PPP1R16B: variants seen among roughly 807,000 people sequenced by gnomAD.
PPP1R16B encodes the protein protein phosphatase 1 regulatory subunit 16B, also known as protein phosphatase 1 regulatory inhibitor subunit 16B.
In PPP1R16B, 14 loss-of-function variants were observed where a neutral mutation model predicts 61.7. That is an observed-to-expected ratio of 0.23 (90% confidence interval 0.15 to 0.35). The LOEUF (loss-of-function observed/expected upper bound fraction) is 0.35, where lower values mean the gene tolerates loss of function less well. PPP1R16B is among the 10% of genes least tolerant of loss of function. The pLI, the probability that PPP1R16B is intolerant of heterozygous loss-of-function variation, is 1.00. For missense variants in PPP1R16B, 547 were observed against 752.5 expected, an observed-to-expected ratio of 0.73 and a Z score of 3.19; for synonymous variants, 266 against 305.3, an observed-to-expected ratio of 0.87 and a Z score of 1.34.
intron 1 of PPP1R16B, among the ~76,000 whole-genome samples, chr20:38,822,912 CAT>C (rs1156505740): frequency 1.3e-5 from 2 of 152,124 alleles, no homozygotes; most frequent in South Asian, 2.1e-4. Context: ...GAGATTTTCA[CAT>C]GAGGAGATAA....
chr20:38,913,085 G>T (rs1401158602), intron 10 of PPP1R16B, among the ~76,000 whole-genome samples: 1 of 151,754 alleles, frequency 6.6e-6, no homozygotes, highest in East Asian at 1.9e-4. Flanking sequence ...TGGCCAGGCT[G>T]GTCTCGAACT....
chr20:38,866,258 G>T lies in PPP1R16B; in HGVS notation c.251-23337G>T, dbSNP rs534888194. ...GGGAACAGAATAGCTCCTAAATCCC[G>T]GGTGTGCTGTCCTCTGTGGGCTGAG... On this transcript the variant is annotated intron_variant, in intron 2 of 10. Transcript: ENST00000299824. 2.6e-5 allele frequency among the ~76,000 whole-genome samples: 4 copies of T among 152,290 alleles called. No individual in the cohort carries two copies. In the East Asian group the frequency reaches 7.7e-4, roughly 29 times the overall value.
At chr20:38,860,943 C>T (rs1332436110) in intron 2 of PPP1R16B, among the ~76,000 whole-genome samples, 1 of 152,186 alleles carries the variant, frequency 6.6e-6, no homozygotes, top group Non-Finnish European at 1.5e-5. Context: ...CCAATTTGCA[C>T]ACTGTTACTC....
At chr20:38,868,245 C>T (rs1485038441) in intron 2 of PPP1R16B, among the ~76,000 whole-genome samples, 2 of 152,194 alleles carry the variant, frequency 1.3e-5, no homozygotes, top group Non-Finnish European at 2.9e-5. Flanking sequence ...ACCACTCCTG[C>T]GTTTCACCTC....
At chr20:38,883,405 G>A (rs761905669) in intron 2 of PPP1R16B, among the ~76,000 whole-genome samples, 91 of 152,400 alleles carry the variant, frequency 6.0e-4, no homozygotes, top group Admixed American at 1.2e-3. Flanking sequence ...GCTTCCTGCC[G>A]AGATGGGCCG....
At chr20:38,824,656 T>G (rs1435923651) in intron 1 of PPP1R16B, among the ~76,000 whole-genome samples, 1 of 152,250 alleles carries the variant, frequency 6.6e-6, no homozygotes, top group Non-Finnish European at 1.5e-5. Context: ...CAAGTTCAAT[T>G]CTATGCTTTT....
intron 3 of PPP1R16B, 123 bp from the exon 4 acceptor site, chr20:38,895,442 G>A: frequency 8.6e-7 from 1 of 1,162,952 alleles, no homozygotes; most frequent in African/African-American, 1.5e-5. Flanking sequence ...TCATGGAGCT[G>A]GATTCAAACA....
rs566368488 is a variant in PPP1R16B, at chr20:38,901,702, G to A, written c.572-966G>A. Reference sequence around the variant, plus strand: ...TGGGATTACAGGCGTGAACCCCCGCGCCCAGCCAGAATAATGTTTTTAAAT... The same window carrying A: ...TGGGATTACAGGCGTGAACCCCCGCACCCAGCCAGAATAATGTTTTTAAAT... On this transcript the variant is annotated intron_variant, in intron 5 of 10. Transcript: ENST00000299824. 1.4e-4 allele frequency among the ~76,000 whole-genome samples: 21 copies of A among 152,260 alleles called. No individual in the cohort carries two copies. In the South Asian group the frequency reaches 1.9e-3, roughly 14 times the overall value.
At chr20:38,886,707 A>G (rs1465889054) in intron 2 of PPP1R16B, among the ~76,000 whole-genome samples, 1 of 152,222 alleles carries the variant, frequency 6.6e-6, no homozygotes, top group Non-Finnish European at 1.5e-5. Flanking sequence ...TGCTACAGAC[A>G]TGAGTCTTCT....
At chr20:38,853,923 G>A (rs1028304073) in intron 2 of PPP1R16B, among the ~76,000 whole-genome samples, 5 of 152,172 alleles carry the variant, frequency 3.3e-5, no homozygotes, top group Non-Finnish European at 7.3e-5. Flanking sequence ...TGCCTGCATC[G>A]CGCTTGCTCA....
At chr20:38,833,930 C>T (rs535878284) in intron 1 of PPP1R16B, among the ~76,000 whole-genome samples, 4 of 152,172 alleles carry the variant, frequency 2.6e-5, no homozygotes, top group East Asian at 1.9e-4. Context: ...GTGACGCAGG[C>T]GACCCAGGAG....
intron 1 of PPP1R16B, among the ~76,000 whole-genome samples, chr20:38,820,427 A>G (rs868811157): frequency 6.6e-6 from 1 of 152,020 alleles, no homozygotes; most frequent in African/African-American, 2.4e-5. Flanking sequence ...GTGTGGTGGC[A>G]CATGCCTGTA....
chr20:38,862,911 G>A (rs1413296960), intron 2 of PPP1R16B, among the ~76,000 whole-genome samples: 1 of 152,194 alleles, frequency 6.6e-6, no homozygotes, highest in Admixed American at 6.5e-5. Context: ...AGCTTCCTGG[G>A]TGTTCTGATG....
chr20:38,883,295 C>T (rs1007911387), intron 2 of PPP1R16B, among the ~76,000 whole-genome samples: 6 of 152,230 alleles, frequency 3.9e-5, no homozygotes, highest in African/African-American at 1.2e-4. Flanking sequence ...CTAACCATCT[C>T]GAGGTCAGGA....
intron 2 of PPP1R16B, among the ~76,000 whole-genome samples, chr20:38,883,521 G>A (rs1398429751): frequency 5.9e-5 from 9 of 152,188 alleles, no homozygotes; most frequent in South Asian, 4.1e-4. Context: ...CAGCGGGGTC[G>A]GCGCCAGGAG....
chr20:38,885,961 A>G (rs982321119), intron 2 of PPP1R16B, among the ~76,000 whole-genome samples: 4 of 152,154 alleles, frequency 2.6e-5, no homozygotes, highest in Admixed American at 1.3e-4. Flanking sequence ...TTTTTAGTAG[A>G]GACAGGGTTT....
At chr20:38,889,712 G>A in intron 3 of PPP1R16B, 47 bp downstream of exon 3, 1 of 1,513,810 alleles carries the variant, frequency 6.6e-7, no homozygotes, top group African/African-American at 1.4e-5. Context: ...CCCCTCACCT[G>A]GACAGGTACC....
intron 2 of PPP1R16B, among the ~76,000 whole-genome samples, chr20:38,874,887 T>C (rs1245833130): frequency 6.6e-6 from 1 of 152,120 alleles, no homozygotes; most frequent in Non-Finnish European, 1.5e-5. Context: ...AAATAGGAGC[T>C]CATTAGAGCC....
intron 2 of PPP1R16B, among the ~76,000 whole-genome samples, chr20:38,870,887 C>G (rs113795429): frequency 6.7e-6 from 1 of 148,434 alleles, no homozygotes; most frequent in Non-Finnish European, 1.5e-5. Flanking sequence ...GCAGCTGTGA[C>G]GGAGACTTAT....
Sources: gnomAD v4.1 joint callset for allele counts (sites outside exome capture counted in the v4.1 genomes callset) on GRCh38, gnomAD v4.1.1 for gene constraint, MANE v1.5 for transcripts, NCBI Gene and HGNC (gene_info 2026-07-23, HGNC 2026-07-21) for gene names.